The following CADPS variants were observed in gnomAD, a reference collection of about 807,000 sequenced individuals.
CADPS encodes calcium-dependent secretion activator 1.
Under a neutral mutation model 167.3 loss-of-function variants are expected in CADPS, and 57 were observed. That is an observed-to-expected ratio of 0.34 (90% confidence interval 0.28 to 0.42). The LOEUF is 0.42. Ranked by LOEUF, CADPS falls within the 20% of genes least tolerant of loss-of-function variation. The pLI, the probability that CADPS is intolerant of heterozygous loss-of-function variation, is 1.00. For synonymous variants in CADPS, 676 were observed against 635.3 expected, an observed-to-expected ratio of 1.06 and a Z score of -0.96; for missense variants, 1,414 against 1,738.1, an observed-to-expected ratio of 0.81 and a Z score of 3.32.
At chr3:62,440,543 T>C (rs1295116296) in intron 27 of CADPS, 2 of 137,702 alleles carry the variant, frequency 1.5e-5, no homozygotes, top group Non-Finnish European at 1.6e-5. Context: ...TTACCTACCT[T>C]TAGAATCTAC....
Position 62,478,129 on chromosome 3 carries a change from G to C in CADPS, c.3329+132C>G. ...GACGTTGACAGCCACTACTCCAGCT[G>C]ACTTTGACAAGCAATCCCCTTCTCC... is the stretch of plus-strand genomic sequence containing the variant. On this transcript the variant is annotated intron_variant, in intron 23 of 29. Transcript: ENST00000383710. This position sits in a 1 kb window ranked among gnomAD's most constrained non-coding sequence, Gnocchi z 5.7. 1.0e-6 allele frequency: 1 copy of C among 991,678 alleles called. No individual in the cohort carries two copies. Among genetic ancestry groups the C allele is most frequent in the Non-Finnish European group, 1.5e-6 (1 of 663,244 alleles). 61.4% of individuals were successfully genotyped at this position (991,678 alleles called of 1,614,324 possible). A position where few individuals can be genotyped will look rare whatever the true frequency, so the allele number is the denominator to read the frequency against.
chr3:62,494,669 A>ATTTTT lies in CADPS; in HGVS notation c.2707-1009_2707-1005dup, dbSNP rs56153630. Among the ~76,000 whole-genome samples, 489 of 118,592 alleles carry ATTTTT rather than the reference A, an allele frequency of 4.1e-3. 18 individuals are homozygous for ATTTTT. Among genetic ancestry groups the ATTTTT allele is most frequent in the African/African-American group, 0.015 (442 of 29,490 alleles). 77.8% of individuals were successfully genotyped at this position (118,592 alleles called of 152,430 possible). On this transcript the variant is annotated intron_variant, in intron 18 of 29. Coordinates refer to ENST00000383710, the MANE Select transcript of CADPS (RefSeq NM_003716.4). The stretch of plus-strand genomic sequence containing the variant: ...ACCTCATACCTGGCTCTTACCAGCA[A>ATTTTT]TTTTTTTTTTTTTTTTGGACGGAGT...
intron 11 of CADPS, 147 bp downstream of exon 11, chr3:62,549,756 C>T: frequency 1.5e-6 from 1 of 657,108 alleles, no homozygotes; most frequent in South Asian, 2.1e-5. Flanking sequence ...ACATTTGCCC[C>T]AACTTTCCCC....
chr3:62,545,667 G>A (rs1048322293), intron 11 of CADPS, among the ~76,000 whole-genome samples: 1 of 151,800 alleles, frequency 6.6e-6, no homozygotes. Context: ...CACTCTTCTC[G>A]AAGTGTCTTT....
chr3:62,759,456 C>T (rs184080357), intron 2 of CADPS, among the ~76,000 whole-genome samples: 8 of 152,228 alleles, frequency 5.3e-5, no homozygotes, highest in Non-Finnish European at 1.2e-4. Context: ...CCAGAGCCTT[C>T]CAATGGCAGG....
chr3:62,509,665 A>G (rs139543739), intron 17 of CADPS, among the ~76,000 whole-genome samples: 1 of 152,318 alleles, frequency 6.6e-6, no homozygotes, highest in East Asian at 1.9e-4. Flanking sequence ...GTTCTTGGAC[A>G]ACCTTGGGGA....
At chr3:62,699,506 A>G (rs2080999603) in intron 3 of CADPS, among the ~76,000 whole-genome samples, 1 of 152,200 alleles carries the variant, frequency 6.6e-6, no homozygotes, top group Non-Finnish European at 1.5e-5. Context: ...CTGTAAAGTC[A>G]GAATTAATAA....
chr3:62,424,340 C>T (rs1458817963), intron 28 of CADPS, among the ~76,000 whole-genome samples: 1 of 152,160 alleles, frequency 6.6e-6, no homozygotes, highest in Non-Finnish European at 1.5e-5. Context: ...TGTGCCATCA[C>T]TCCCAGCTAA....
intron 1 of CADPS, among the ~76,000 whole-genome samples, chr3:62,784,738 CAAGTA>C (rs1214582349): frequency 8.7e-6 from 1 of 115,104 alleles, no homozygotes; most frequent in Non-Finnish European, 1.7e-5. Context: ...CTAGTATCTT[CAAGTA>C]AAGAATGCAA....
intron 1 of CADPS, among the ~76,000 whole-genome samples, chr3:62,835,386 T>G (rs969625535): frequency 4.6e-5 from 7 of 152,206 alleles, no homozygotes; most frequent in African/African-American, 1.7e-4. Context: ...CCTATTTTCA[T>G]CCAGGTATTC....
At chr3:62,795,951 C>T (rs1427246681) in intron 1 of CADPS, among the ~76,000 whole-genome samples, 1 of 152,164 alleles carries the variant, frequency 6.6e-6, no homozygotes, top group Non-Finnish European at 1.5e-5. Context: ...GGTGGGGACA[C>T]TCTACATGAT....
chr3:62,723,130 C>G (rs2076119080), intron 3 of CADPS, among the ~76,000 whole-genome samples: 1 of 152,146 alleles, frequency 6.6e-6, no homozygotes, highest in Non-Finnish European at 1.5e-5. Context: ...CAGATGTTAA[C>G]CACACAATTA....
At chr3:62,854,834 T>A (rs1271032990) in intron 1 of CADPS, among the ~76,000 whole-genome samples, 3 of 152,230 alleles carry the variant, frequency 2.0e-5, no homozygotes, top group Non-Finnish European at 4.4e-5. Context: ...TAAACTTTTT[T>A]AAAAAGTTGA....
At chr3:62,537,863 C>T (rs911257954) in intron 11 of CADPS, among the ~76,000 whole-genome samples, 1 of 151,974 alleles carries the variant, frequency 6.6e-6, no homozygotes, top group African/African-American at 2.4e-5. Flanking sequence ...AACCTAAATC[C>T]ATGGTATGGT....
intron 28 of CADPS, among the ~76,000 whole-genome samples, chr3:62,419,584 A>G (rs2050878585): frequency 6.6e-6 from 1 of 152,172 alleles, no homozygotes; most frequent in African/African-American, 2.4e-5. Context: ...TCTGAAAACT[A>G]TTCTCTGATA....
intron 28 of CADPS, among the ~76,000 whole-genome samples, chr3:62,425,699 C>T (rs1359262491): frequency 6.6e-6 from 1 of 152,184 alleles, no homozygotes; most frequent in Non-Finnish European, 1.5e-5. Context: ...GTCATCATAA[C>T]TGGGTTGAAG....
At chr3:62,754,054 A>G (rs1177896975) in intron 2 of CADPS, among the ~76,000 whole-genome samples, 1 of 152,222 alleles carries the variant, frequency 6.6e-6, no homozygotes, top group East Asian at 1.9e-4. Flanking sequence ...AGCACATGGT[A>G]TACAGACCTG....
Position 62,590,227 on chromosome 3 carries a change from TG to T in CADPS, c.1437+2409del, listed in dbSNP as rs557528750. Among the ~76,000 whole-genome samples the T allele has an allele frequency of 4.9e-4, 74 of 151,944 alleles. 4 individuals are homozygous for T. In the South Asian group the frequency reaches 0.014, roughly 29 times the overall value. On this transcript the variant is annotated intron_variant, in intron 7 of 29. Coordinates refer to ENST00000383710, the MANE Select transcript of CADPS (RefSeq NM_003716.4). The stretch of plus-strand genomic sequence containing the variant: ...AAAAATTCCAGGGCATCCTGGATCC[TG>T]GGTCTTCGGAGGCTCATTGTGGACC...
chr3:62,409,461 T>C lies in CADPS; in HGVS notation c.3778-6276A>G, dbSNP rs377128199. 2.2e-4 allele frequency among the ~76,000 whole-genome samples: 34 copies of C among 152,360 alleles called. No individual in the cohort carries two copies. In the East Asian group the frequency reaches 6.2e-3, roughly 28 times the overall value. ...AGATAGAAAGTTGCTAAGCAGAGTG[T>C]GGGGACTCGGGGGCATCCCCATGGA... is the stretch of plus-strand genomic sequence containing the variant. On this transcript the variant is annotated intron_variant, in intron 28 of 29. Transcript: ENST00000383710.
Sources: allele counts gnomAD v4.1 joint callset (sites outside exome capture counted in the v4.1 genomes callset), GRCh38; gene constraint gnomAD v4.1.1; non-coding constraint Gnocchi (gnomAD v3.1); transcripts MANE v1.5; gene names NCBI Gene and HGNC (gene_info 2026-07-23, HGNC 2026-07-21).